LHPP: variants seen among roughly 807,000 people sequenced by gnomAD.
The protein encoded by LHPP is hLHPP.
In LHPP, 24 loss-of-function variants were observed where a neutral mutation model predicts 30.3. That is an observed-to-expected ratio of 0.79 (90% CI 0.57 to 1.11). The LOEUF is 1.11. LHPP is among the 50% of genes most tolerant of loss of function. The probability of loss-of-function intolerance (pLI) is 0.00; values close to 1 mark genes in which losing one functional copy is unlikely to be tolerated. For synonymous variants in LHPP, 150 were observed against 157.1 expected (o/e 0.95, Z 0.34); for missense variants, 356 against 367.2 (o/e 0.97, Z 0.25).
chr10:124,522,611 G>A (rs1388678663), intron 6 of LHPP, among the ~76,000 whole-genome samples: 4 of 152,168 alleles, frequency 2.6e-5, no homozygotes, highest in Admixed American at 2.6e-4. Context: ...CTTTTCCCTG[G>A]TAGAATGTCC....
rs1037124829 is a variant in LHPP, at chr10:124,576,726, G to A, written c.717-36538G>A. ...GAGGGCGGGGGTACTGGGGGGCTGA[G>A]GGGGGTTCTTTAGGGCAGGAGTTAC... On this transcript the variant is annotated intron_variant, in intron 6 of 6. Transcript: ENST00000368842. The surrounding 1 kb of genome is among the most constrained non-coding windows in gnomAD (Gnocchi z 4.2). Among the ~76,000 whole-genome samples, 2 of 152,126 alleles carry A rather than the reference G, an allele frequency of 1.3e-5. No homozygotes were observed. The highest frequency in any genetic ancestry group is 1.3e-4 in the Admixed American group (2 of 15,282).
intron 6 of LHPP, among the ~76,000 whole-genome samples, chr10:124,603,146 G>T (rs1037833462): frequency 6.6e-6 from 1 of 152,222 alleles, no homozygotes; most frequent in African/African-American, 2.4e-5. Flanking sequence ...GCGGGCGGCA[G>T]CCTAGCTGGA....
chr10:124,469,511 G>A (rs558179500), intron 1 of LHPP, among the ~76,000 whole-genome samples: 1 of 100,704 alleles, frequency 9.9e-6, no homozygotes, highest in Non-Finnish European at 2.2e-5. Flanking sequence ...CCCCTGAGGT[G>A]GGGGGGGCTT....
At chr10:124,509,109 G>C (rs1366691809) in intron 5 of LHPP, among the ~76,000 whole-genome samples, 1 of 152,114 alleles carries the variant, frequency 6.6e-6, no homozygotes, top group African/African-American at 2.4e-5. Flanking sequence ...CCACTTATAA[G>C]TGCAAACACA....
At chr10:124,600,554 C>A (rs1011037513) in intron 6 of LHPP, among the ~76,000 whole-genome samples, 2 of 152,248 alleles carry the variant, frequency 1.3e-5, no homozygotes, top group African/African-American at 4.8e-5. Context: ...TATCTGGGTG[C>A]TGCAACCTAG....
intron 6 of LHPP, among the ~76,000 whole-genome samples, chr10:124,562,211 G>T (rs1948407286): frequency 6.6e-6 from 1 of 152,150 alleles, no homozygotes; most frequent in Non-Finnish European, 1.5e-5. Context: ...GGAGGCTGAG[G>T]TGGGAGGATC....
At chr10:124,527,392 C>T (rs1251845164) in intron 6 of LHPP, among the ~76,000 whole-genome samples, 1 of 152,252 alleles carries the variant, frequency 6.6e-6, no homozygotes, top group African/African-American at 2.4e-5. Flanking sequence ...AACCATCTTG[C>T]AGCAGTGGTT....
intron 2 of LHPP, among the ~76,000 whole-genome samples, chr10:124,487,032 T>G (rs1161539674): frequency 6.6e-6 from 1 of 152,244 alleles, no homozygotes; most frequent in Non-Finnish European, 1.5e-5. Context: ...ACGTAATGTT[T>G]TTGAGACTCA....
At chr10:124,554,754 C>T (rs780799623) in intron 6 of LHPP, among the ~76,000 whole-genome samples, 9 of 152,178 alleles carry the variant, frequency 5.9e-5, no homozygotes, top group Non-Finnish European at 1.3e-4. Context: ...CACTTTTGCC[C>T]CATCATCATT....
chr10:124,485,043 C>T (rs1227444540), intron 2 of LHPP, among the ~76,000 whole-genome samples: 1 of 152,134 alleles, frequency 6.6e-6, no homozygotes, highest in Non-Finnish European at 1.5e-5. Context: ...TTTAGTTTTA[C>T]AAACTGCTAG....
chr10:124,492,282 G>A (rs56231522), intron 3 of LHPP, among the ~76,000 whole-genome samples: 69,905 of 151,392 alleles, frequency 0.46, 16,416 homozygotes, highest in Middle Eastern at 0.56. Flanking sequence ...TTTTTTTAGT[G>A]ACAAAAAATT....
At chr10:124,577,338 C>A (rs1327113792) in intron 6 of LHPP, among the ~76,000 whole-genome samples, 1 of 152,212 alleles carries the variant, frequency 6.6e-6, no homozygotes, top group Non-Finnish European at 1.5e-5. Context: ...CCTGGCCCAC[C>A]CATACAGCCT....
chr10:124,482,027 C>T (rs144629035), intron 1 of LHPP, among the ~76,000 whole-genome samples: 107 of 152,344 alleles, frequency 7.0e-4, no homozygotes, highest in African/African-American at 2.3e-3. Flanking sequence ...GGCTCAAGAG[C>T]GGAACAGAAA....
At chr10:124,537,410 C>T (rs751370139) in intron 6 of LHPP, among the ~76,000 whole-genome samples, 1 of 152,218 alleles carries the variant, frequency 6.6e-6, no homozygotes, top group Admixed American at 6.5e-5. Flanking sequence ...TCAGAGATAG[C>T]GGGCAGCAGG....
intron 6 of LHPP, among the ~76,000 whole-genome samples, chr10:124,603,544 C>T (rs1465873131): frequency 6.6e-6 from 1 of 152,024 alleles, no homozygotes; most frequent in Non-Finnish European, 1.5e-5. Flanking sequence ...AGGACTCCTT[C>T]AGTCCTGGGT....
intron 6 of LHPP, among the ~76,000 whole-genome samples, chr10:124,548,698 C>T (rs974124964): frequency 2.6e-5 from 4 of 152,176 alleles, no homozygotes; most frequent in Non-Finnish European, 5.9e-5. Flanking sequence ...TGTTAGATGC[C>T]CAGGTAGAGA....
chr10:124,581,278 A>C (rs10901775), intron 6 of LHPP, among the ~76,000 whole-genome samples: 81,071 of 152,002 alleles, frequency 0.53, 21,768 homozygotes, highest in African/African-American at 0.62. Context: ...TATGGATAGA[A>C]CACAGTTATT....
chr10:124,564,500 C>T (rs1231619673), intron 6 of LHPP, among the ~76,000 whole-genome samples: 1 of 152,100 alleles, frequency 6.6e-6, no homozygotes, highest in Non-Finnish European at 1.5e-5. Flanking sequence ...GTGATCCTCC[C>T]ACTTCAGCCT....
chr10:124,475,510 C>T (rs1014303208), intron 1 of LHPP, among the ~76,000 whole-genome samples: 3 of 151,998 alleles, frequency 2.0e-5, no homozygotes, highest in Admixed American at 6.5e-5. Flanking sequence ...CACTGCACTC[C>T]AGCCTGGGTG....
Sources: gnomAD v4.1 joint callset for allele counts (sites outside exome capture counted in the v4.1 genomes callset) on GRCh38, gnomAD v4.1.1 for gene constraint, Gnocchi (gnomAD v3.1) non-coding constraint, MANE v1.5 for transcripts, NCBI Gene and HGNC (gene_info 2026-07-23, HGNC 2026-07-21) for gene names.